Variants in ASH1L observed in about 807,000 individuals in gnomAD.
ASH1L encodes ASH1 like histone lysine methyltransferase, also known as histone-lysine N-methyltransferase ASH1L.
A neutral mutation model predicts 269.0 loss-of-function variants in ASH1L; 23 were observed. The observed-to-expected ratio is 0.09, with a 90% confidence interval of 0.06 to 0.12. The LOEUF (loss-of-function observed/expected upper bound fraction) is 0.12, where lower values mean the gene tolerates loss of function less well. Among genes scored for constraint, ASH1L ranks in the 10% least tolerant of loss-of-function variants. The probability of loss-of-function intolerance (pLI) is 1.00; values close to 1 mark genes in which losing one functional copy is unlikely to be tolerated. For missense variants in ASH1L, 2,912 were observed against 3,567.8 expected (o/e 0.82, Z 4.68); for synonymous variants, 1,187 against 1,253.5 (o/e 0.95, Z 1.12).
chr1:155,546,136 C>CAAT (rs970474302), intron 1 of ASH1L, among the ~76,000 whole-genome samples: 1 of 112,564 alleles, frequency 8.9e-6, no homozygotes, highest in Non-Finnish European at 1.7e-5. Context: ...CCAGCTTGGG[C>CAAT]AATAACACGA....
intron 5 of ASH1L, among the ~76,000 whole-genome samples, chr1:155,435,436 T>C (rs1000838434): frequency 6.6e-6 from 1 of 152,142 alleles, no homozygotes; most frequent in Non-Finnish European, 1.5e-5. Context: ...GAATACACAA[T>C]GTACTGTTAA....
intron 6 of ASH1L, among the ~76,000 whole-genome samples, chr1:155,397,922 A>G (rs1045147921): frequency 1.3e-5 from 2 of 152,228 alleles, no homozygotes; most frequent in African/African-American, 4.8e-5. Context: ...AAAATATTAA[A>G]TGATTTTTAA....
intron 1 of ASH1L, among the ~76,000 whole-genome samples, chr1:155,553,650 C>G (rs965530850): frequency 6.6e-6 from 1 of 152,168 alleles, no homozygotes; most frequent in African/African-American, 2.4e-5. Context: ...GGAAGCCACC[C>G]TAACCTTTCC....
chr1:155,432,039 C>T (rs1661651616), intron 5 of ASH1L, among the ~76,000 whole-genome samples: 1 of 152,162 alleles, frequency 6.6e-6, no homozygotes, highest in Non-Finnish European at 1.5e-5. Context: ...TTAAATTCTT[C>T]CTGTGCATTC....
At chr1:155,385,739 T>A (rs1296132854) in intron 7 of ASH1L, among the ~76,000 whole-genome samples, 1 of 152,196 alleles carries the variant, frequency 6.6e-6, no homozygotes, top group Non-Finnish European at 1.5e-5. Flanking sequence ...TTTAGCTGGC[T>A]TTTTCTGAAA....
In ASH1L at chr1:155,479,359, G is replaced by C; in HGVS notation, c.3511C>G (p.Pro1171Ala). ...GATGTGAGTTCACTCAAGTGCGAAG[G>C]AGAATTTGGCAACAAAGTAGGAGGA... ...LSPPTLLPNS[P>A]SHLSELTSLK... The change falls in exon 3 of 28, where the codon CCT becomes GCT. Residue 1171 changes from proline (P) to alanine (A), a missense_variant. Physicochemically the swap from Pro to Ala is conservative, Grantham distance 27 (BLOSUM62 -1). Coordinates refer to ENST00000392403, the MANE Select transcript of ASH1L (RefSeq NM_018489.3). 6.2e-7 allele frequency: 1 copy of C among 1,614,130 alleles called. No homozygotes were observed. Among genetic ancestry groups the C allele is most frequent in the South Asian group, 1.1e-5 (1 of 91,080 alleles).
At chr1:155,547,945 C>CA (rs1670943213) in intron 1 of ASH1L, among the ~76,000 whole-genome samples, 1 of 152,188 alleles carries the variant, frequency 6.6e-6, no homozygotes, top group South Asian at 2.1e-4. Context: ...TACTGCACTC[C>CA]AGCCTGGGCG....
intron 6 of ASH1L, among the ~76,000 whole-genome samples, chr1:155,402,875 T>C (rs533382138): frequency 4.0e-4 from 61 of 151,226 alleles, no homozygotes; most frequent in African/African-American, 1.4e-3. Context: ...TTTTTTTTTT[T>C]TTTTTTCAGC....
At chr1:155,339,511 C>A in intron 25 of ASH1L, 143 bp from the exon 26 acceptor site, 1 of 624,250 alleles carries the variant, frequency 1.6e-6, no homozygotes, top group African/African-American at 1.8e-5. Context: ...TTTAGTACTT[C>A]TATGAATATG....
intron 4 of ASH1L, among the ~76,000 whole-genome samples, chr1:155,453,831 AG>A (rs771450524): frequency 1.3e-5 from 2 of 152,032 alleles, no homozygotes; most frequent in African/African-American, 2.4e-5. Flanking sequence ...GGCCGGGCAC[AG>A]TGGCTCACGC....
At chr1:155,399,095 T>C (rs1258753707) in intron 6 of ASH1L, among the ~76,000 whole-genome samples, 2 of 152,178 alleles carry the variant, frequency 1.3e-5, no homozygotes, top group Non-Finnish European at 2.9e-5. Context: ...CTTGGGTAGA[T>C]ATGAAATTGA....
rs996371080 is a variant in ASH1L at position 155,474,422 on chromosome 1, G to C, written c.4984+3464C>G. ...ACTGTATGTATTAAAAAGTGGCTCA[G>C]AGTGGTGACTCAGGCCTATAATCCC... On this transcript the variant is annotated intron_variant, in intron 3 of 27. Transcript: ENST00000392403. Among the ~76,000 whole-genome samples, 4 of 152,292 alleles carry C rather than the reference G, an allele frequency of 2.6e-5. No individual in the cohort carries two copies. In the East Asian group the frequency reaches 7.7e-4, roughly 29 times the overall value.
Position 155,480,809 on chromosome 1 carries a change from T to C in ASH1L, c.2061A>G (p.Val687=), listed in dbSNP as rs1558150994. Residue 687 remains valine (V), a synonymous_variant, in exon 3 of 28, where the codon GTA becomes GTG. Coordinates refer to ENST00000392403, the MANE Select transcript of ASH1L (RefSeq NM_018489.3). ...CTTGGCAGTGTTTGTCTGATGCAGATACTGCACCCAGTTTTAAAAAAGGCT... is the reference window on the plus strand; with the variant it reads ...CTTGGCAGTGTTTGTCTGATGCAGACACTGCACCCAGTTTTAAAAAAGGCT... ...SNKPFLKLGA[V]SASDKHCQVA... is the part of the protein sequence containing the mutation. 5.0e-6 allele frequency: 8 copies of C among 1,614,056 alleles called. No individual in the cohort carries two copies. The highest frequency in any genetic ancestry group is 2.2e-5 in the East Asian group (1 of 44,890).
intron 1 of ASH1L, among the ~76,000 whole-genome samples, chr1:155,535,315 A>C (rs1669978609): frequency 6.6e-6 from 1 of 151,644 alleles, no homozygotes; most frequent in Non-Finnish European, 1.5e-5. Context: ...CTGCAGCCTC[A>C]AACTCTGGAG....
intron 19 of ASH1L, among the ~76,000 whole-genome samples, chr1:155,348,940 A>ACACACACACG (rs1233244057): frequency 3.3e-5 from 5 of 150,840 alleles, no homozygotes; most frequent in African/African-American, 1.2e-4. Flanking sequence ...ACACACACAC[A>ACACACACACG]CACACATATA....
intron 12 of ASH1L, among the ~76,000 whole-genome samples, chr1:155,361,374 G>C (rs765041003): frequency 2.0e-5 from 3 of 151,576 alleles, no homozygotes; most frequent in Admixed American, 6.6e-5. Flanking sequence ...AAAATTAGCC[G>C]GGCATGGTGG....
At chr1:155,421,311 C>T (rs1490539653) in intron 5 of ASH1L, among the ~76,000 whole-genome samples, 1 of 138,230 alleles carries the variant, frequency 7.2e-6, no homozygotes, top group Non-Finnish European at 1.5e-5. Flanking sequence ...ATCTCAAGTA[C>T]CAACAGTTTT....
chr1:155,470,244 A>G (rs1267972200), intron 3 of ASH1L, among the ~76,000 whole-genome samples: 3 of 152,064 alleles, frequency 2.0e-5, no homozygotes, highest in Non-Finnish European at 4.4e-5. Flanking sequence ...GGATCACCAT[A>G]GGTCAGGAGT....
rs1652961340 is a variant in ASH1L at position 155,343,221 on chromosome 1, T to G, written c.8293+93A>C. On this transcript the variant is annotated intron_variant, in intron 24 of 27. Transcript: ENST00000392403. The surrounding 1 kb of genome is among the most constrained non-coding windows in gnomAD (Gnocchi z 6.1). ...GTCTCACACTCCTGGGCTTAAGCAATCTGCCTGCCTCGGCCTCCCACACCG... is the reference window on the plus strand; with the variant it reads ...GTCTCACACTCCTGGGCTTAAGCAAGCTGCCTGCCTCGGCCTCCCACACCG... 7.1e-7 allele frequency: 1 copy of G among 1,413,266 alleles called. No homozygotes were observed. Among genetic ancestry groups the G allele is most frequent in the East Asian group, 2.3e-5 (1 of 43,560 alleles). 87.5% of individuals were successfully genotyped at this position (1,413,266 alleles called of 1,614,324 possible).
Sources: gnomAD v4.1 joint callset for allele counts (sites outside exome capture counted in the v4.1 genomes callset) on GRCh38, gnomAD v4.1.1 for gene constraint, Gnocchi (gnomAD v3.1) non-coding constraint, MANE v1.5 for transcripts, NCBI Gene and HGNC (gene_info 2026-07-23, HGNC 2026-07-21) for gene names.